The following GGCX variants were observed in gnomAD, a reference collection of about 807,000 sequenced individuals.
The protein encoded by GGCX is vitamin K-dependent gamma-carboxylase.
Under a neutral mutation model 88.5 loss-of-function variants are expected in GGCX, and 63 were observed. The observed-to-expected ratio is 0.71, with a 90% CI of 0.58 to 0.88. The LOEUF (loss-of-function observed/expected upper bound fraction) is 0.88. GGCX is among the 40% of genes least tolerant of loss of function. The pLI is 0.00. For missense variants in GGCX, 805 were observed against 932.9 expected (o/e 0.86, Z 1.79); for synonymous variants, 368 against 365.8 (o/e 1.01, Z -0.07).
rs72843836 is a variant in GGCX, at chr2:85,546,960, C to T, written c.*2974G>A. On this transcript the variant is annotated 3_prime_UTR_variant, in exon 15 of 15. Coordinates refer to ENST00000233838, the MANE Select transcript of GGCX (RefSeq NM_000821.7). ...AGCATGAGAAGTTTTCAAAAGTAAC[C>T]GCTTTAAGGTTATGTTCAGTATTTG... The T allele has an allele frequency of 0.074, 11,205 of 152,204 alleles. 650 individuals carry two copies. Among genetic ancestry groups the T allele is most frequent in the African/African-American group, 0.17 (6,933 of 41,486 alleles). The allele number at this position is 152,204 out of a possible 1,614,324, so 9.4% of individuals were successfully genotyped here.
Position 85,549,826 on chromosome 2 carries a change from CAAAAAA to C in GGCX, c.*102_*107del. On this transcript the variant is annotated 3_prime_UTR_variant, in exon 15 of 15. Coordinates refer to ENST00000233838, the MANE Select transcript of GGCX (RefSeq NM_000821.7). Reference sequence around the variant, plus strand: ...AAACAGCTTTAGAACCCCGCCCCCCCAAAAAAAAAAAAAAAACTTTTGAGAATTTTT... The same window carrying C: ...AAACAGCTTTAGAACCCCGCCCCCCCAAAAAAAAAACTTTTGAGAATTTTT... The C allele has an allele frequency of 2.1e-6, 1 of 474,174 alleles. No homozygotes were observed. Among genetic ancestry groups the C allele is most frequent in the Middle Eastern group, 6.1e-4 (1 of 1,642 alleles). The allele number at this position is 474,174 out of a possible 1,614,324, so 29.4% of individuals were successfully genotyped here.
At position 85,557,466 on chromosome 2, in the gene GGCX, C is replaced by T. The variant is rs80251303; in HGVS notation, c.539+974G>A. Among the ~76,000 whole-genome samples the T allele has an allele frequency of 3.6e-3, 553 of 152,276 alleles. 3 individuals are homozygous for T. Among genetic ancestry groups the T allele is most frequent in the African/African-American group, 0.013 (530 of 41,562 alleles). ...TCACGCCACTGCACTCTAGCCTGGG[C>T]GACACAGTGAGATGCCATCTCAACA... On this transcript the variant is annotated intron_variant, in intron 4 of 14. Coordinates refer to ENST00000233838, the MANE Select transcript of GGCX (RefSeq NM_000821.7).
At position 85,551,926 on chromosome 2, in the gene GGCX, T is replaced by G; in HGVS notation, c.1495A>C (p.Thr499Pro). 6.2e-7 allele frequency: 1 copy of G among 1,613,836 alleles called. No individual in the cohort carries two copies. Among genetic ancestry groups the G allele is most frequent in the Non-Finnish European group, 8.5e-7 (1 of 1,179,752 alleles). ...ATCAAGAGTGGTTGCACCCAGGATG[T>G]GCGCTGAAAGGGTGACCAAGCGGCC... ...VQAAWSPFQR[T>P]SWVQPLLMDL... The change falls in exon 11 of 15, where the codon ACA (threonine) becomes CCA (proline). Residue 499 changes from threonine to proline, a missense_variant. By Grantham distance (38) the Thr-to-Pro change is conservative. Transcript: ENST00000233838.
rs769310919 is a variant in GGCX at position 85,550,145 on chromosome 2, C to G, written c.2085-19G>C. 1.2e-6 allele frequency: 2 copies of G among 1,600,052 alleles called. No individual in the cohort carries two copies. Among genetic ancestry groups the G allele is most frequent in the Non-Finnish European group, 8.6e-7 (1 of 1,167,384 alleles). ...CAGGAAGCTGAAAAACAGGAAAAAG[C>G]CGACCAAGTTCAAACTCCTGTTTCA... On this transcript the variant is annotated intron_variant, in intron 14 of 14. Transcript: ENST00000233838.
Position 85,550,706 on chromosome 2 carries a change from C to G in GGCX, c.1933G>C (p.Glu645Gln), listed in dbSNP as rs767725484. The G allele has an allele frequency of 8.7e-6, 14 of 1,614,054 alleles. No homozygotes were observed. The highest frequency in any genetic ancestry group is 1.2e-5 in the Non-Finnish European group (14 of 1,180,026). ...PPELQPLLEG[E>Q]VKGGPEPTPL... ...GTTGGCTCAGGGCCCCCTTTTACTT[C>G]CCCTTCCAACAGAGGCTGCAGCTCT... The change falls in exon 14 of 15, where the codon GAA becomes CAA. Residue 645 changes from glutamate (E) to glutamine (Q), a missense_variant. Glu to Gln is a conservative substitution (Grantham distance 29, BLOSUM62 2). Transcript: ENST00000233838.
rs1008265018 is a variant in GGCX at position 85,552,356 on chromosome 2, T to C, written c.1439+60A>G. On this transcript the variant is annotated intron_variant, in intron 10 of 14. Transcript: ENST00000233838. ...AGACAATACCAGGAAGCAAGGGCTGTTCATCTTGGTAAAAAGAACTGTGCT... is the reference window on the plus strand; with the variant it reads ...AGACAATACCAGGAAGCAAGGGCTGCTCATCTTGGTAAAAAGAACTGTGCT... 9.4e-6 allele frequency: 14 copies of C among 1,481,500 alleles called. No homozygotes were observed. In the Admixed American group the frequency reaches 2.3e-4, roughly 25 times the overall value. The allele number at this position is 1,481,500 out of a possible 1,614,324, so 91.8% of individuals were successfully genotyped here.
Position 85,559,060 on chromosome 2 carries a change from A to G in GGCX, c.230T>C (p.Leu77Pro). 1 of 1,614,150 alleles carries G rather than the reference A, an allele frequency of 6.2e-7. No individual in the cohort carries two copies. The highest frequency in any genetic ancestry group is 1.3e-5 in the African/African-American group (1 of 75,062). ...FRFLFGFLMV[L>P]DIPQERGLSS... ...GAGCCCCCGCTCCTGGGGAATGTCTAGCACCATCAAGAACCCTAAGAAGGC... is the reference window on the plus strand; with the variant it reads ...GAGCCCCCGCTCCTGGGGAATGTCTGGCACCATCAAGAACCCTAAGAAGGC... Residue 77 changes from leucine (L) to proline (P), a missense_variant, in exon 3 of 15, where the codon CTA becomes CCA. By Grantham distance (98) the Leu-to-Pro change is moderately conservative (BLOSUM62 -3). Coordinates refer to ENST00000233838, the MANE Select transcript of GGCX (RefSeq NM_000821.7).
chr2:85,547,610 A>G lies in GGCX; in HGVS notation c.*2324T>C, dbSNP rs1322572039. On this transcript the variant is annotated 3_prime_UTR_variant, in exon 15 of 15. Transcript: ENST00000233838. ...AGGTACAGTGAGTTTGGCAAACAAC[A>G]TAGTGGCAAAGTATCTTCTATTGTG... is the stretch of plus-strand genomic sequence containing the variant. 2.0e-5 allele frequency: 3 copies of G among 152,236 alleles called. No homozygotes were observed. The highest frequency in any genetic ancestry group is 6.5e-5 in the Admixed American group (1 of 15,290). The allele number at this position is 152,236 out of a possible 1,614,324, so 9.4% of individuals were successfully genotyped here.
rs555828034 is a variant in GGCX at position 85,553,289 on chromosome 2, G to A, written c.1098C>T (p.Phe366=). 6.2e-7 allele frequency: 1 copy of A among 1,614,246 alleles called. No homozygotes were observed. Among genetic ancestry groups the A allele is most frequent in the Admixed American group, 1.7e-5 (1 of 60,034 alleles). ...GCTGCTCCAGGAGGTAGAGCAGGGT[G>A]AAGGCAGCTCCCAGCTGATGGCGCA... is the stretch of plus-strand genomic sequence containing the variant. ...PGLRHQLGAA[F]TLLYLLEQLF... is the part of the protein sequence containing the mutation. The change falls in exon 8 of 15, where the codon TTC becomes TTT. Residue 366 remains phenylalanine, a synonymous_variant. Coordinates refer to ENST00000233838, the MANE Select transcript of GGCX (RefSeq NM_000821.7).
chr2:85,550,896 T>A, intron 13 of GGCX, 29 bp downstream of exon 13: 1 of 1,612,178 alleles, frequency 6.2e-7, no homozygotes, highest in Non-Finnish European at 8.5e-7. Flanking sequence ...AACCAGAGGC[T>A]ATCTCAGCCC....
rs1328540944 is a variant in GGCX at position 85,549,935 on chromosome 2, C to A, written c.2276G>T (p.Ter759LeuextTer25). Residue 759 changes from the stop codon to leucine (L), a stop_lost, in exon 15 of 15, where the codon TGA (stop) becomes TTA (leucine). Coordinates refer to ENST00000233838, the MANE Select transcript of GGCX (RefSeq NM_000821.7). The part of the protein sequence containing the change: ...SNPDPVHSEF[*>L] The stretch of plus-strand genomic sequence containing the variant: ...TCTGCACCCAACATCTGGCCCCCTT[C>A]AGAACTCTGAGTGGACAGGATCAGG... 5.0e-6 allele frequency: 8 copies of A among 1,608,636 alleles called. No individual in the cohort carries two copies. The highest frequency in any genetic ancestry group is 6.8e-6 in the Non-Finnish European group (8 of 1,175,320).
At position 85,556,117 on chromosome 2, in the gene GGCX, G is replaced by T. The variant is rs1692192055; in HGVS notation, c.618+65C>A. 22 of 949,410 alleles carry T rather than the reference G, an allele frequency of 2.3e-5. No individual in the cohort carries two copies. The Admixed American group carries it at 3.4e-4, about 15-fold the overall frequency. 58.8% of individuals were successfully genotyped at this position (949,410 alleles called of 1,614,324 possible). A position where few individuals can be genotyped will look rare whatever the true frequency, so the allele number is the denominator to read the frequency against. On this transcript the variant is annotated intron_variant, in intron 5 of 14. Coordinates refer to ENST00000233838, the MANE Select transcript of GGCX (RefSeq NM_000821.7). ...AGGCAGCGGAGAGTGTAGTCTGGCAGTGGGATGGCCATGCTGACCACATGG... is the reference window on the plus strand; with the variant it reads ...AGGCAGCGGAGAGTGTAGTCTGGCATTGGGATGGCCATGCTGACCACATGG...
At position 85,544,894 on chromosome 2, in the gene GGCX, G is replaced by A. The variant is rs1171306013; in HGVS notation, c.*5040C>T. ...TATTTATTGTATTCTGGGGTATGGC[G>A]TAAGTACAGAGAAGCCATCACCTCA... On this transcript the variant is annotated 3_prime_UTR_variant, in exon 15 of 15. Transcript: ENST00000233838. The A allele has an allele frequency of 1.3e-5, 2 of 152,544 alleles. No individual in the cohort carries two copies. The highest frequency in any genetic ancestry group is 2.9e-5 in the Non-Finnish European group (2 of 68,018). The allele number at this position is 152,544 out of a possible 1,614,324, so 9.4% of individuals were successfully genotyped here. A position where few individuals can be genotyped will look rare whatever the true frequency, so the allele number is the denominator to read the frequency against.
chr2:85,556,161 C>T (rs757744784), intron 5 of GGCX, 21 bp downstream of exon 5: 3 of 1,520,078 alleles, frequency 2.0e-6, no homozygotes, highest in East Asian at 2.3e-5. Context: ...GAGCTCCTCC[C>T]TCTGTCCTAA....
chr2:85,558,426 C>A lies in GGCX; in HGVS notation c.539+14G>T. 6.2e-7 allele frequency: 1 copy of A among 1,611,426 alleles called. No homozygotes were observed. Among genetic ancestry groups the A allele is most frequent in the Non-Finnish European group, 8.5e-7 (1 of 1,177,532 alleles). ...CCCAGCCAACCCCTCCCCTTTGTCC[C>A]CCCTGACTCATACCAGTAGTGGTTT... is the stretch of plus-strand genomic sequence containing the variant. On this transcript the variant is annotated intron_variant, in intron 4 of 14. Coordinates refer to ENST00000233838, the MANE Select transcript of GGCX (RefSeq NM_000821.7).
At chr2:85,561,265 C>A (rs1252733608) in intron 1 of GGCX, 121 bp downstream of exon 1, 12 of 680,332 alleles carry the variant, frequency 1.8e-5, no homozygotes, top group Non-Finnish European at 2.5e-6. Context: ...AGCACGCCCC[C>A]TTCCCCACAG....
At chr2:85,558,868 T>C in intron 3 of GGCX, 49 bp downstream of exon 3, 1 of 1,547,070 alleles carries the variant, frequency 6.5e-7, no homozygotes, top group Non-Finnish European at 8.9e-7. Flanking sequence ...CATGCTTCTA[T>C]TTCTGTGTTT....
Position 85,554,535 on chromosome 2 carries a change from G to A in GGCX, c.726-229C>T. 4 of 570,242 alleles carry A rather than the reference G, an allele frequency of 7.0e-6. No individual in the cohort carries two copies. The Admixed American group carries it at 1.1e-4, about 15-fold the overall frequency. The allele number at this position is 570,242 out of a possible 1,614,324, so 35.3% of individuals were successfully genotyped here. A position where few individuals can be genotyped will look rare whatever the true frequency, so the allele number is the denominator to read the frequency against. Reference sequence around the variant, plus strand: ...GGCTGGAAGGCAATGGCATGATCATGGTGCACTGTAGCCTCAAACTCCTGG... The same window carrying A: ...GGCTGGAAGGCAATGGCATGATCATAGTGCACTGTAGCCTCAAACTCCTGG... On this transcript the variant is annotated intron_variant, in intron 6 of 14. Coordinates refer to ENST00000233838, the MANE Select transcript of GGCX (RefSeq NM_000821.7).
Position 85,561,464 on chromosome 2 carries a change from G to A in GGCX, c.-36C>T, listed in dbSNP as rs1448122348. On this transcript the variant is annotated 5_prime_UTR_variant, in exon 1 of 15. Coordinates refer to ENST00000233838, the MANE Select transcript of GGCX (RefSeq NM_000821.7). ...AGGAGGCAGGTGGGTCACAGCTGCC[G>A]CGTCTGAACGGAGGCCGCCAGGAGA... 2 of 1,508,220 alleles carry A rather than the reference G, an allele frequency of 1.3e-6. No homozygotes were observed. The highest frequency in any genetic ancestry group is 1.8e-6 in the Non-Finnish European group (2 of 1,105,446). The allele number at this position is 1,508,220 out of a possible 1,614,324, so 93.4% of individuals were successfully genotyped here.
Sources: gnomAD v4.1 joint callset for allele counts (sites outside exome capture counted in the v4.1 genomes callset) on GRCh38, gnomAD v4.1.1 for gene constraint, MANE v1.5 for transcripts, NCBI Gene and HGNC (gene_info 2026-07-23, HGNC 2026-07-21) for gene names.